Variants in ZNF655 observed in about 807,000 individuals in gnomAD.
The protein encoded by ZNF655 is Vav-interacting Kruppel-like protein 1.
ZNF655 carries 3 observed loss-of-function variants against 6.6 expected under a neutral mutation model. The ratio of observed to expected loss-of-function variants is 0.46; its 90% CI spans 0.21 to 1.18. ZNF655 has a LOEUF of 1.18. Among genes scored for constraint, ZNF655 ranks in the 50% most tolerant of loss-of-function variants. ZNF655 has a pLI of 0.24. For missense variants in ZNF655, 526 were observed against 572.3 expected (o/e 0.92, Z 0.83); for synonymous variants, 178 against 195.0 (o/e 0.91, Z 0.73).
At chr7:99,560,470 A>C in intron 1 of ZNF655, 63 bp from the exon 2 acceptor site, 1 of 1,499,400 alleles carries the variant, frequency 6.7e-7, no homozygotes, top group Non-Finnish European at 9.0e-7. Flanking sequence ...CAAAGTCCTG[A>C]CGATATAAAA....
rs35069414 is a variant in ZNF655, at chr7:99,564,472, C to T, written c.136+3777C>T. ...CCCTCTTCAAGGTCCTACCTTCCTA[C>T]CCTTTATTCTTTGTGGTTCTGTACA... On this transcript the variant is annotated intron_variant, in intron 2 of 2. Transcript: ENST00000252713. 768 of 997,946 alleles carry T rather than the reference C, an allele frequency of 7.7e-4. 1 individual carries two copies. Among genetic ancestry groups the T allele is most frequent in the Non-Finnish European group, 8.4e-4 (701 of 839,004 alleles). 61.8% of individuals were successfully genotyped at this position (997,946 alleles called of 1,614,324 possible).
chr7:99,565,778 A>C (rs1803573510), intron 2 of ZNF655, among the ~76,000 whole-genome samples: 1 of 152,188 alleles, frequency 6.6e-6, no homozygotes, highest in Non-Finnish European at 1.5e-5. Flanking sequence ...CCTCAGAAGC[A>C]TGCTTGTTAA....
intron 2 of ZNF655, chr7:99,563,201 C>A: frequency 2.2e-6 from 1 of 455,476 alleles, no homozygotes; most frequent in Admixed American, 2.4e-5. Context: ...CAGTGGGAAG[C>A]TGGGATTAGC....
rs1804239691 is a variant in ZNF655 at position 99,573,571 on chromosome 7, A to G, written c.1463A>G (p.Lys488Arg). The G allele has an allele frequency of 6.2e-7, 1 of 1,601,156 alleles. No homozygotes were observed. Among genetic ancestry groups the G allele is most frequent in the African/African-American group, 1.3e-5 (1 of 74,878 alleles). Reference sequence around the variant, plus strand: ...GTTCAACATCAGAGCATTCATACCAAAGAGAACTCATGAATGTAATGAAGA... The same window carrying G: ...GTTCAACATCAGAGCATTCATACCAGAGAGAACTCATGAATGTAATGAAGA... ...HLVQHQSIHT[K>R]ENS The change falls in exon 3 of 3, where the codon AAA becomes AGA. Residue 488 changes from lysine to arginine, a missense_variant. Transcript: ENST00000252713.
chr7:99,568,591 T>C (rs1562935918), intron 2 of ZNF655, among the ~76,000 whole-genome samples: 1 of 152,028 alleles, frequency 6.6e-6, no homozygotes, highest in Non-Finnish European at 1.5e-5. Flanking sequence ...ATTTCCTTGA[T>C]AATAAATCAT....
At chr7:99,562,165 C>A in intron 2 of ZNF655, 5 of 771,358 alleles carry the variant, frequency 6.5e-6, no homozygotes, top group Non-Finnish European at 9.9e-6. Flanking sequence ...CATGAGCAAA[C>A]TCTGTTTTCT....
Position 99,572,392 on chromosome 7 carries a change from G to A in ZNF655, c.284G>A (p.Arg95Lys). Residue 95 changes from arginine (R) to lysine (K), a missense_variant, in exon 3 of 3, where the codon AGA (arginine) becomes AAA (lysine). By Grantham distance (26) the Arg-to-Lys change is conservative (BLOSUM62 2). Transcript: ENST00000252713. ...AGAGAAGTGTATAAGTCTGAGGACA[G>A]ATTAGAAAGACTTCAGGAAATTCTA... Reference protein sequence around the residue: ...ETREVYKSEDRLERLQEILRK... With the variant: ...ETREVYKSEDKLERLQEILRK... 6.2e-7 allele frequency: 1 copy of A among 1,613,810 alleles called. No homozygotes were observed. The highest frequency in any genetic ancestry group is 8.5e-7 in the Non-Finnish European group (1 of 1,179,910).
chr7:99,572,770 T>TCCA lies in ZNF655; in HGVS notation c.663_665dup (p.His222dup). 6.2e-7 allele frequency: 1 copy of TCCA among 1,613,166 alleles called. No homozygotes were observed. The highest frequency in any genetic ancestry group is 1.1e-5 in the South Asian group (1 of 90,992). On this transcript the variant is annotated inframe_insertion, in exon 3 of 3. Transcript: ENST00000252713. ...AAATGTGATGTATGTGGGAAAATTT[T>TCCA]CCATCAGAGCTCAGCCCTTACTAGA...
chr7:99,567,836 G>A (rs1458241742), intron 2 of ZNF655, among the ~76,000 whole-genome samples: 1 of 151,668 alleles, frequency 6.6e-6, no homozygotes, highest in Non-Finnish European at 1.5e-5. Context: ...TGAGGTGGGC[G>A]GATCACAAGG....
chr7:99,560,459 G>A, intron 1 of ZNF655, 74 bp from the exon 2 acceptor site: 2 of 1,424,436 alleles, frequency 1.4e-6, no homozygotes, highest in Non-Finnish European at 9.5e-7. Context: ...AAGATCCTTT[G>A]CAAAGTCCTG....
intron 1 of ZNF655, among the ~76,000 whole-genome samples, chr7:99,559,236 T>G (rs1206118132): frequency 6.6e-6 from 1 of 152,178 alleles, no homozygotes; most frequent in Admixed American, 6.5e-5. Flanking sequence ...TGCGTTGCTC[T>G]CAGGATTCCG....
intron 2 of ZNF655, chr7:99,561,010 T>C (rs1381120049): frequency 4.9e-6 from 1 of 202,452 alleles, no homozygotes; most frequent in African/African-American, 2.3e-5. Flanking sequence ...TTTTGCCACA[T>C]CTCACAGTCC....
intron 2 of ZNF655, among the ~76,000 whole-genome samples, chr7:99,572,002 A>G (rs1315797084): frequency 6.6e-6 from 1 of 152,168 alleles, no homozygotes; most frequent in African/African-American, 2.4e-5. Flanking sequence ...TTGCTTATCT[A>G]AAATTCTTTC....
At chr7:99,565,819 A>T (rs1451689280) in intron 2 of ZNF655, among the ~76,000 whole-genome samples, 1 of 152,172 alleles carries the variant, frequency 6.6e-6, no homozygotes. Flanking sequence ...GGGTCAGTAG[A>T]TTGGGAATGT....
chr7:99,564,106 A>G (rs1318595434), intron 2 of ZNF655: 2 of 1,544,794 alleles, frequency 1.3e-6, no homozygotes, highest in African/African-American at 2.8e-5. Flanking sequence ...GGATGCCACC[A>G]CTGTGTAAAA....
In ZNF655 at chr7:99,575,394, G is replaced by T. The variant is rs537168629; in HGVS notation, c.*1810G>T. The T allele has an allele frequency of 6.6e-6, 1 of 152,140 alleles. No individual in the cohort carries two copies. The highest frequency in any genetic ancestry group is 1.5e-5 in the Non-Finnish European group (1 of 68,082). 9.4% of individuals were successfully genotyped at this position (152,140 alleles called of 1,614,324 possible). On this transcript the variant is annotated 3_prime_UTR_variant, in exon 3 of 3. Transcript: ENST00000252713. ...TCTACTAAAAATACAAAAGTTAGCC[G>T]GGTGTGGTGGCACGCGCCTGTAATC...
intron 1 of ZNF655, among the ~76,000 whole-genome samples, chr7:99,559,978 T>C (rs1304305974): frequency 6.6e-6 from 1 of 152,088 alleles, no homozygotes; most frequent in African/African-American, 2.4e-5. Flanking sequence ...TATTAAATTG[T>C]ACCGTGTTAA....
chr7:99,570,983 C>T (rs1174258303), intron 2 of ZNF655: 1 of 182,708 alleles, frequency 5.5e-6, no homozygotes, highest in Non-Finnish European at 1.2e-5. Flanking sequence ...GCACTGATTG[C>T]ACTTCCCTCT....
Position 99,572,503 on chromosome 7 carries a change from A to T in ZNF655, c.395A>T (p.His132Leu), listed in dbSNP as rs754927415. The change falls in exon 3 of 3, where the codon CAT becomes CTT. Residue 132 changes from histidine (H) to leucine (L), a missense_variant. Coordinates refer to ENST00000252713, the MANE Select transcript of ZNF655 (RefSeq NM_138494.3). ...TFTSEKNNEC[H>L]EPEKSFSLDS... ...ACCAGTGAGAAGAACAATGAATGTC[A>T]TGAACCCGAAAAAAGCTTCAGTCTG... 2 of 1,614,036 alleles carry T rather than the reference A, an allele frequency of 1.2e-6. No individual in the cohort carries two copies. The highest frequency in any genetic ancestry group is 1.7e-6 in the Non-Finnish European group (2 of 1,179,950).
Sources: gnomAD v4.1 joint callset for allele counts (sites outside exome capture counted in the v4.1 genomes callset) on GRCh38, gnomAD v4.1.1 for gene constraint, MANE v1.5 for transcripts, NCBI Gene and HGNC (gene_info 2026-07-23, HGNC 2026-07-21) for gene names.